Variants in MED1 observed in about 807,000 individuals in gnomAD.
MED1 encodes mediator complex subunit 1, also known as mediator of RNA polymerase II transcription subunit 1.
Under a neutral mutation model 121.3 loss-of-function variants are expected in MED1, and 17 were observed. The observed-to-expected ratio is 0.14, with a 90% confidence interval of 0.10 to 0.21. The LOEUF is 0.21. MED1 is among the 10% of genes least tolerant of loss of function. The pLI is 1.00. For synonymous variants in MED1, 661 were observed against 694.4 expected, an observed-to-expected ratio of 0.95 and a Z score of 0.76; for missense variants, 1,558 against 1,919.4, an observed-to-expected ratio of 0.81 and a Z score of 3.52.
chr17:39,417,085 C>T (rs1439298638), intron 14 of MED1, among the ~76,000 whole-genome samples: 1 of 152,086 alleles, frequency 6.6e-6, no homozygotes, highest in Non-Finnish European at 1.5e-5. Context: ...AATCCCAGCA[C>T]TTTGGGAGGC....
At chr17:39,433,230 G>A (rs943211733) in intron 7 of MED1, among the ~76,000 whole-genome samples, 2 of 151,452 alleles carry the variant, frequency 1.3e-5, no homozygotes, top group East Asian at 1.9e-4. Context: ...TTAGCCGGGC[G>A]TGGTGGCGCA....
In MED1 at chr17:39,408,288, C is replaced by T; in HGVS notation, c.3933G>A (p.Lys1311=). The T allele has an allele frequency of 6.2e-7, 1 of 1,614,120 alleles. No individual in the cohort carries two copies. Among genetic ancestry groups the T allele is most frequent in the Non-Finnish European group, 8.5e-7 (1 of 1,180,034 alleles). ...CAGGGCCACTGGTGACAACCCCATG[C>T]TTCAGTTTATCTATGACAGCTGTCA... ...PSLTAVIDKL[K]HGVVTSGPGG... The change falls in exon 17 of 17, where the codon AAG becomes AAA. Residue 1311 remains lysine (K), a synonymous_variant. Coordinates refer to ENST00000300651, the MANE Select transcript of MED1 (RefSeq NM_004774.4). This position sits in a 1 kb window ranked among gnomAD's most constrained non-coding sequence, Gnocchi z 4.7.
In MED1 at chr17:39,427,768, G is replaced by A. The variant is rs1403859929; in HGVS notation, c.672C>T (p.Tyr224=). ...RSGGHLMNLK[Y]YVSPSDLLDD... ...CCAGTAGGTCAGAAGGAGAGACATA[G>A]TACTTCAGGTTCATTAAATGACCTA... The change falls in exon 10 of 17, where the codon TAC becomes TAT. Residue 224 remains tyrosine, a synonymous_variant. Coordinates refer to ENST00000300651, the MANE Select transcript of MED1 (RefSeq NM_004774.4). 3 of 1,599,110 alleles carry A rather than the reference G, an allele frequency of 1.9e-6. No individual in the cohort carries two copies. The highest frequency in any genetic ancestry group is 2.2e-5 in the East Asian group (1 of 44,764).
chr17:39,430,870 T>G (rs1475956286), intron 9 of MED1, among the ~76,000 whole-genome samples: 1 of 151,638 alleles, frequency 6.6e-6, no homozygotes, highest in East Asian at 1.9e-4. Flanking sequence ...ATAGAATAAA[T>G]TAGCTGGCTA....
At chr17:39,414,707 G>C (rs2144723889) in intron 16 of MED1, among the ~76,000 whole-genome samples, 1 of 124,392 alleles carries the variant, frequency 8.0e-6, no homozygotes, top group Admixed American at 9.9e-5. Context: ...GTCTTGCTCT[G>C]TCGTCAGGCT....
intron 12 of MED1, 89 bp downstream of exon 12, chr17:39,423,608 G>A: frequency 1.3e-6 from 2 of 1,560,690 alleles, no homozygotes; most frequent in South Asian, 2.2e-5. Context: ...AATGAGGCAT[G>A]TAAGACTGAA....
chr17:39,438,176 T>G lies in MED1; in HGVS notation c.428+989A>C, dbSNP rs2048637861. Among the ~76,000 whole-genome samples, 3 of 151,250 alleles carry G rather than the reference T, an allele frequency of 2.0e-5. No individual in the cohort carries two copies. The South Asian group carries it at 6.2e-4, about 31-fold the overall frequency. Reference sequence around the variant, plus strand: ...CACATGGCGAAACCTCGTCTCTATTTTTTTTTTTTTTCTGAGATGGAGTCT... The same window carrying G: ...CACATGGCGAAACCTCGTCTCTATTGTTTTTTTTTTTCTGAGATGGAGTCT... On this transcript the variant is annotated intron_variant, in intron 6 of 16. Coordinates refer to ENST00000300651, the MANE Select transcript of MED1 (RefSeq NM_004774.4).
chr17:39,412,584 G>A (rs2048367410), intron 16 of MED1, among the ~76,000 whole-genome samples: 1 of 149,000 alleles, frequency 6.7e-6, no homozygotes, highest in Non-Finnish European at 1.5e-5. Context: ...TGTTATCCAG[G>A]CTGGAGTGCA....
At chr17:39,430,796 T>C (rs2048558644) in intron 9 of MED1, among the ~76,000 whole-genome samples, 1 of 151,738 alleles carries the variant, frequency 6.6e-6, no homozygotes, top group East Asian at 1.9e-4. Context: ...GGTAGGCCGA[T>C]CAGTCGAGGC....
At position 39,408,114 on chromosome 17, in the gene MED1, C is replaced by T. The variant is rs1458159503; in HGVS notation, c.4107G>A (p.Gly1369=). ...DKDKSKVSTS[G]SSVDSSKKTS... is the part of the protein sequence containing the mutation. ...TCTTCTTAGAAGAATCCACTGAACT[C>T]CCGGAGGTGGAAACCTTTGATTTGT... is the stretch of plus-strand genomic sequence containing the variant. The change falls in exon 17 of 17, where the codon GGG becomes GGA. Residue 1369 remains glycine (G), a synonymous_variant. Coordinates refer to ENST00000300651, the MANE Select transcript of MED1 (RefSeq NM_004774.4). This position sits in a 1 kb window ranked among gnomAD's most constrained non-coding sequence, Gnocchi z 4.7. 1.2e-6 allele frequency: 2 copies of T among 1,614,040 alleles called. No individual in the cohort carries two copies. Among genetic ancestry groups the T allele is most frequent in the East Asian group, 2.2e-5 (1 of 44,900 alleles).
chr17:39,444,948 CT>C (rs2048712929), intron 2 of MED1, among the ~76,000 whole-genome samples: 2 of 152,072 alleles, frequency 1.3e-5, no homozygotes, highest in African/African-American at 4.8e-5. Context: ...AAGTTTCTCT[CT>C]GAAAAACATT....
At chr17:39,426,565 G>C (rs2048517076) in intron 10 of MED1, among the ~76,000 whole-genome samples, 1 of 152,082 alleles carries the variant, frequency 6.6e-6, no homozygotes, top group African/African-American at 2.4e-5. Flanking sequence ...ACAGAGTTTT[G>C]CTCTTGTTGC....
At chr17:39,450,131 G>A (rs951316699) in intron 1 of MED1, among the ~76,000 whole-genome samples, 2 of 133,538 alleles carry the variant, frequency 1.5e-5, no homozygotes, top group Non-Finnish European at 3.3e-5. Context: ...TATTTTTTTT[G>A]TAGAGACAGG....
chr17:39,426,605 G>T (rs1394131082), intron 10 of MED1, among the ~76,000 whole-genome samples: 6 of 151,926 alleles, frequency 3.9e-5, no homozygotes, highest in African/African-American at 9.7e-5. Context: ...CACAATCTCG[G>T]TTCACTGCAA....
At chr17:39,446,965 G>A (rs761221325) in intron 2 of MED1, among the ~76,000 whole-genome samples, 1 of 152,092 alleles carries the variant, frequency 6.6e-6, no homozygotes, top group Non-Finnish European at 1.5e-5. Flanking sequence ...AATTCTACTA[G>A]TACAGGCTGG....
At chr17:39,442,806 G>A (rs530944687) in intron 3 of MED1, among the ~76,000 whole-genome samples, 2 of 147,656 alleles carry the variant, frequency 1.4e-5, no homozygotes, top group Non-Finnish European at 1.5e-5. Context: ...TTGGGAGGCT[G>A]AGGCAGGAGA....
At chr17:39,419,141 G>T (rs1296672244) in intron 14 of MED1, among the ~76,000 whole-genome samples, 1 of 151,932 alleles carries the variant, frequency 6.6e-6, no homozygotes, top group African/African-American at 2.4e-5. Context: ...GAGTGCAGTG[G>T]TGCAATCTGA....
At position 39,407,505 on chromosome 17, in the gene MED1, A is replaced by G. The variant is rs1347204690; in HGVS notation, c.4716T>C (p.Asp1572=). 1.2e-6 allele frequency: 2 copies of G among 1,612,128 alleles called. No homozygotes were observed. The highest frequency in any genetic ancestry group is 3.3e-5 in the Admixed American group (2 of 59,756). Residue 1572 remains aspartate (D), a synonymous_variant, in exon 17 of 17, where the codon GAT becomes GAC. Transcript: ENST00000300651. The stretch of plus-strand genomic sequence containing the variant: ...TCCCAATCAGGGCCACATCCATAAG[A>G]TCATCATCTTCCTCCCCAATCATAA... ...PDFMIGEEDD[D]LMDVALIGN is the part of the protein sequence containing the mutation.
intron 3 of MED1, among the ~76,000 whole-genome samples, chr17:39,442,417 G>T (rs1567653152): frequency 6.6e-6 from 1 of 151,642 alleles, no homozygotes; most frequent in Non-Finnish European, 1.5e-5. Flanking sequence ...CTAACACGGT[G>T]AAACCCCATC....
Sources: allele counts gnomAD v4.1 joint callset (sites outside exome capture counted in the v4.1 genomes callset), GRCh38; gene constraint gnomAD v4.1.1; non-coding constraint Gnocchi (gnomAD v3.1); transcripts MANE v1.5; gene names NCBI Gene and HGNC (gene_info 2026-07-23, HGNC 2026-07-21).